LAMA3: variants seen among roughly 807,000 people sequenced by gnomAD.
The protein encoded by LAMA3 is laminin subunit alpha-3.
In LAMA3, 281 loss-of-function variants were observed where a neutral mutation model predicts 402.0. The ratio of observed to expected loss-of-function variants is 0.70; its 90% CI spans 0.63 to 0.77. The LOEUF is 0.77. Among genes scored for constraint, LAMA3 ranks in the 30% least tolerant of loss-of-function variants. LAMA3 has a pLI of 0.00. For synonymous variants in LAMA3, 1,431 were observed against 1,558.4 expected, an observed-to-expected ratio of 0.92 and a Z score of 1.93; for missense variants, 3,840 against 4,215.5, an observed-to-expected ratio of 0.91 and a Z score of 2.47.
chr18:23,699,152 G>A (rs1419334741), intron 1 of LAMA3, among the ~76,000 whole-genome samples: 1 of 152,182 alleles, frequency 6.6e-6, no homozygotes, highest in African/African-American at 2.4e-5. Context: ...GTTGGGAGAG[G>A]GCGACCCTGG....
intron 47 of LAMA3, among the ~76,000 whole-genome samples, 185 bp from the exon 48 acceptor site, chr18:23,900,942 A>C (rs1471075029): frequency 6.6e-6 from 1 of 152,230 alleles, no homozygotes; most frequent in Non-Finnish European, 1.5e-5. Context: ...TGTGGAAGTT[A>C]AATGAGGCAA....
At chr18:23,691,492 AAC>A (rs1303412718) in intron 1 of LAMA3, among the ~76,000 whole-genome samples, 1 of 152,218 alleles carries the variant, frequency 6.6e-6, no homozygotes, top group African/African-American at 2.4e-5. Context: ...TGTGTTTATA[AAC>A]ACACAAATAT....
intron 12 of LAMA3, among the ~76,000 whole-genome samples, chr18:23,788,163 G>C (rs1250087630): frequency 2.0e-5 from 3 of 151,822 alleles, no homozygotes; most frequent in African/African-American, 7.2e-5. Flanking sequence ...ATATATGCTT[G>C]ATCTCCTTTC....
rs752625480 is a variant in LAMA3 at position 23,943,889 on chromosome 18, G to A, written c.9128G>A (p.Arg3043His). The change falls in exon 69 of 75, where the codon CGT (arginine) becomes CAT (histidine). Residue 3043 changes from arginine to histidine, a missense_variant. Arg to His is a conservative substitution (Grantham distance 29, BLOSUM62 0). Around this residue, in one of 3 missense-constraint regions of LAMA3, gnomAD observed 840 missense variants for 981.9 expected, o/e 0.86. Transcript: ENST00000313654. ...SFMALYLSKGRLVFALGTDGK... is the reference protein window; with the variant it reads ...SFMALYLSKGHLVFALGTDGK... ...ATGGCTCTTTATCTTTCAAAAGGAC[G>A]TCTGGTCTTTGCACTGGGGACAGAT... 89 of 1,613,930 alleles carry A rather than the reference G, an allele frequency of 5.5e-5. No homozygotes were observed. The highest frequency in any genetic ancestry group is 3.3e-4 in the Middle Eastern group (2 of 6,082).
intron 17 of LAMA3, among the ~76,000 whole-genome samples, chr18:23,816,079 G>C (rs1475793125): frequency 1.3e-5 from 2 of 152,154 alleles, no homozygotes; most frequent in Non-Finnish European, 1.5e-5. Flanking sequence ...AACAGCATTT[G>C]AGCTGGCTTA....
chr18:23,891,756 G>A (rs1404356942), intron 42 of LAMA3, among the ~76,000 whole-genome samples: 1 of 152,224 alleles, frequency 6.6e-6, no homozygotes, highest in Non-Finnish European at 1.5e-5. Flanking sequence ...AGCAGTCAGT[G>A]CAGGGTAGGT....
At chr18:23,854,266 C>T (rs557174902) in intron 32 of LAMA3, among the ~76,000 whole-genome samples, 1 of 152,390 alleles carries the variant, frequency 6.6e-6, no homozygotes, top group Non-Finnish European at 1.5e-5. Context: ...TTTTGCTTCC[C>T]TTCCTCCTTG....
intron 47 of LAMA3, chr18:23,899,668 AG>A: frequency 2.0e-6 from 1 of 501,244 alleles, no homozygotes; most frequent in Non-Finnish European, 3.5e-6. Flanking sequence ...CATCATGCAA[AG>A]AAAAAAAAAA....
chr18:23,849,012 C>A (rs927858031), intron 32 of LAMA3, among the ~76,000 whole-genome samples: 1 of 152,218 alleles, frequency 6.6e-6, no homozygotes, highest in Non-Finnish European at 1.5e-5. Context: ...TGTCTCTTCT[C>A]ATTTTCTTAT....
Position 23,921,513 on chromosome 18 carries a change from C to G in LAMA3, c.8105C>G (p.Thr2702Ser). ...TGGATAAATGTGGACGTTCAAAACA[C>G]TATAATTGATGGTGAAGTATTTGAT... ...RMWINVDVQN[T>S]IIDGEVFDFS... The change falls in exon 62 of 75, where the codon ACT (threonine) becomes AGT (serine). Residue 2702 changes from threonine to serine, a missense_variant. Thr to Ser is a moderately conservative substitution (Grantham distance 58, BLOSUM62 1). Transcript: ENST00000313654. The G allele has an allele frequency of 6.2e-7, 1 of 1,613,562 alleles. No individual in the cohort carries two copies. Among genetic ancestry groups the G allele is most frequent in the Non-Finnish European group, 8.5e-7 (1 of 1,179,540 alleles).
chr18:23,887,241 A>T (rs1410819454), intron 41 of LAMA3, among the ~76,000 whole-genome samples: 2 of 152,142 alleles, frequency 1.3e-5, no homozygotes, highest in Non-Finnish European at 2.9e-5. Context: ...ATAGCGAGAG[A>T]TGGGAGAACT....
chr18:23,845,170 C>A, intron 30 of LAMA3, 46 bp downstream of exon 30: 1 of 1,124,662 alleles, frequency 8.9e-7, no homozygotes, highest in South Asian at 1.2e-5. Flanking sequence ...GAGGCACTCC[C>A]ACATTCCTGA....
chr18:23,843,057 T>C (rs1197428901), intron 29 of LAMA3, among the ~76,000 whole-genome samples: 1 of 152,138 alleles, frequency 6.6e-6, no homozygotes, highest in Admixed American at 6.5e-5. Context: ...CTGCAGCTGC[T>C]TTCTCTCTGT....
At position 23,858,716 on chromosome 18, in the gene LAMA3, G is replaced by A; in HGVS notation, c.4309G>A (p.Val1437Met). The change falls in exon 34 of 75, where the codon GTG (valine) becomes ATG (methionine). Residue 1437 changes from valine (V) to methionine (M), a missense_variant. By Grantham distance (21) the Val-to-Met change is conservative (BLOSUM62 1). This residue lies in a region of LAMA3 where 2,109 missense variants were observed against 2,376.0 expected (regional missense o/e 0.89). Transcript: ENST00000313654. ...AAATGTAGAAGGCACAGAGTGTAAT[G>A]TGTGTCGAGAAGGCTCATTCCATTT... Reference protein sequence around the residue: ...KENVEGTECNVCREGSFHLDP... With the variant: ...KENVEGTECNMCREGSFHLDP... 1 of 1,614,194 alleles carries A rather than the reference G, an allele frequency of 6.2e-7. No individual in the cohort carries two copies. The highest frequency in any genetic ancestry group is 2.2e-5 in the East Asian group (1 of 44,886).
At chr18:23,772,282 C>A (rs539412427) in intron 8 of LAMA3, among the ~76,000 whole-genome samples, 2 of 152,272 alleles carry the variant, frequency 1.3e-5, no homozygotes, top group East Asian at 3.9e-4. Context: ...CCTTGTGACC[C>A]ACCCACTTTG....
rs753975880 is a variant in LAMA3 at position 23,916,560 on chromosome 18, A to G, written c.7788A>G (p.Glu2596=). The G allele has an allele frequency of 3.1e-6, 5 of 1,614,166 alleles. No individual in the cohort carries two copies. The highest frequency in any genetic ancestry group is 3.4e-6 in the Non-Finnish European group (4 of 1,179,990). The change falls in exon 60 of 75, where the codon GAA becomes GAG. Residue 2596 remains glutamate (E), a synonymous_variant. Transcript: ENST00000313654. ...TEVEPCRRRK[E]ESDKNYFEGT... ...TGATTAATGTTGACAGGAGGAAGGA[A>G]GAGTCAGACAAAAATTATTTTGAAG... is the stretch of plus-strand genomic sequence containing the variant.
chr18:23,861,869 T>A, intron 35 of LAMA3, 62 bp downstream of exon 35: 3 of 1,504,302 alleles, frequency 2.0e-6, no homozygotes, highest in Non-Finnish European at 2.7e-6. Context: ...TGCATGAGCA[T>A]CATTTCCTGG....
At position 23,946,292 on chromosome 18, in the gene LAMA3, G is replaced by A; in HGVS notation, c.9351+8G>A. ...CCATCAGGGAAACCAAAGGTAAATA[G>A]TTATGTTCAGAGCCATGGACAGAAA... is the stretch of plus-strand genomic sequence containing the variant. On this transcript the variant is annotated splice_region_variant and intron_variant, in intron 70 of 74. Transcript: ENST00000313654. The A allele has an allele frequency of 1.2e-6, 2 of 1,613,786 alleles. No homozygotes were observed. Among genetic ancestry groups the A allele is most frequent in the Non-Finnish European group, 1.7e-6 (2 of 1,179,704 alleles).
chr18:23,876,489 C>T, intron 39 of LAMA3, 82 bp downstream of exon 39: 1 of 885,994 alleles, frequency 1.1e-6, no homozygotes, highest in Non-Finnish European at 1.9e-6. Context: ...AAGACATCAA[C>T]ATTACATCTC....
Sources: gnomAD v4.1 joint callset for allele counts (sites outside exome capture counted in the v4.1 genomes callset) on GRCh38, gnomAD v4.1.1 for gene constraint, gnomAD v4.1.1 regional missense constraint, MANE v1.5 for transcripts, NCBI Gene and HGNC (gene_info 2026-07-23, HGNC 2026-07-21) for gene names.